SPTAN1: variants seen among roughly 807,000 people sequenced by gnomAD.
SPTAN1 encodes spectrin alpha chain, non-erythrocytic 1.
A neutral mutation model predicts 331.3 loss-of-function variants in SPTAN1; 61 were observed. That is an observed-to-expected ratio of 0.18 (90% CI 0.15 to 0.23). The LOEUF (loss-of-function observed/expected upper bound fraction) is 0.23, where lower values mean the gene tolerates loss of function less well. Ranked by LOEUF, SPTAN1 falls within the 10% of genes least tolerant of loss-of-function variation. SPTAN1 has a pLI of 1.00. For missense variants in SPTAN1, 2,043 were observed against 3,147.9 expected (o/e 0.65, Z 8.40); for synonymous variants, 1,153 against 1,173.9 (o/e 0.98, Z 0.36).
rs759975874 is a variant in SPTAN1, at chr9:128,633,314, C to T, written c.7414C>T (p.Arg2472Cys). 1.9e-5 allele frequency: 31 copies of T among 1,613,950 alleles called. 1 individual carries two copies. The highest frequency in any genetic ancestry group is 1.6e-4 in the Middle Eastern group (1 of 6,062). The change falls in exon 57 of 57, where the codon CGC becomes TGC. Residue 2472 changes from arginine to cysteine, a missense_variant. Around this residue, in one of 12 missense-constraint regions of SPTAN1, gnomAD observed 88 missense variants for 96.5 expected, o/e 0.91. Transcript: ENST00000372739. ...CGCGTTCGACTACGTGGAGTTCACC[C>T]GCTCGCTTTTCGTGAACTGAGCCAC... ...PTAFDYVEFT[R>C]SLFVN
At chr9:128,583,362 T>C (rs1045472231) in intron 15 of SPTAN1, 81 bp downstream of exon 15, 5 of 1,389,418 alleles carry the variant, frequency 3.6e-6, no homozygotes, top group East Asian at 4.8e-5. Context: ...TAGGGACATA[T>C]ACCCCCCAAG....
rs1003660461 is a variant in SPTAN1, at chr9:128,583,962, C to T, written c.2186C>T (p.Ala729Val). The change falls in exon 16 of 57, where the codon GCT (alanine) becomes GTT (valine). Residue 729 changes from alanine to valine, a missense_variant. Ala to Val is a moderately conservative substitution (Grantham distance 64). Around this residue, in one of 12 missense-constraint regions of SPTAN1, gnomAD observed 1,038 missense variants for 1,531.5 expected, o/e 0.68. Coordinates refer to ENST00000372739, the MANE Select transcript of SPTAN1 (RefSeq NM_001130438.3). ...KHALLEADVA[A>V]HQDRIDGITI... ...GCACTGCTAGAGGCAGATGTGGCTG[C>T]TCACCAGGTAGTGTGAACTGGGGGC... The T allele has an allele frequency of 6.2e-7, 1 of 1,614,036 alleles. No homozygotes were observed. The highest frequency in any genetic ancestry group is 8.5e-7 in the Non-Finnish European group (1 of 1,180,026).
intron 21 of SPTAN1, 111 bp from the exon 22 acceptor site, chr9:128,591,366 G>T (rs556696621): frequency 3.4e-5 from 50 of 1,461,356 alleles, no homozygotes; most frequent in Non-Finnish European, 4.5e-5. Context: ...GTGGCCGGCC[G>T]TTTTGGACCT....
intron 23 of SPTAN1, chr9:128,593,545 G>A (rs1853818994): frequency 9.9e-6 from 2 of 202,250 alleles, no homozygotes; most frequent in Admixed American, 5.3e-5. Flanking sequence ...TTTAGTTCCC[G>A]AGGGTTAGAA....
chr9:128,570,906 C>T (rs1850642315), intron 3 of SPTAN1, among the ~76,000 whole-genome samples: 1 of 152,270 alleles, frequency 6.6e-6, no homozygotes, highest in South Asian at 2.1e-4. Flanking sequence ...GGTGATCTGC[C>T]CGCCTTGGCC....
intron 52 of SPTAN1, among the ~76,000 whole-genome samples, chr9:128,630,896 G>C (rs944395357): frequency 1.3e-5 from 2 of 152,054 alleles, no homozygotes; most frequent in Admixed American, 6.6e-5. Context: ...GTAGAGACAG[G>C]GTTTCACCAT....
intron 52 of SPTAN1, chr9:128,630,699 TG>T: frequency 3.1e-6 from 1 of 317,674 alleles, no homozygotes; most frequent in Non-Finnish European, 6.1e-6. Context: ...GGCTAATTTT[TG>T]TTTATTTTTA....
In SPTAN1 at chr9:128,607,832, C is replaced by G; in HGVS notation, c.4147-20C>G. ...GGGCATCTGCTGCCAGTTACCTAAT[C>G]CCTTCCCTCCTTTTGGCAGGAACAC... On this transcript the variant is annotated intron_variant, in intron 32 of 56. Transcript: ENST00000372739. 2 of 1,613,746 alleles carry G rather than the reference C, an allele frequency of 1.2e-6. No homozygotes were observed. The highest frequency in any genetic ancestry group is 1.7e-6 in the Non-Finnish European group (2 of 1,180,008).
In SPTAN1 at chr9:128,617,573, C is replaced by G. The variant is rs1280423277; in HGVS notation, c.5358-67C>G. On this transcript the variant is annotated intron_variant, in intron 41 of 56. Transcript: ENST00000372739. ...GATGTCTGTGAGGTCCACAGTTGACCTGATGTCCCCACTTGAAAGCAGGGA... is the reference window on the plus strand; with the variant it reads ...GATGTCTGTGAGGTCCACAGTTGACGTGATGTCCCCACTTGAAAGCAGGGA... The G allele has an allele frequency of 2.5e-6, 4 of 1,610,776 alleles. No homozygotes were observed. In the African/African-American group the frequency reaches 5.3e-5, roughly 22 times the overall value.
At position 128,615,693 on chromosome 9, in the gene SPTAN1, C is replaced by T. The variant is rs781578848; in HGVS notation, c.5210C>T (p.Thr1737Ile). The change falls in exon 41 of 57, where the codon ACC becomes ATC. Residue 1737 changes from threonine (T) to isoleucine (I), a missense_variant. Physicochemically the swap from Thr to Ile is moderately conservative, Grantham distance 89. Transcript: ENST00000372739. Reference protein sequence around the residue: ...DSLMTSSAFDTSQVKDKRDTI... With the variant: ...DSLMTSSAFDISQVKDKRDTI... ...CTGATGACCAGCAGTGCCTTCGACA[C>T]CTCCCAAGTAAAGGACAAGAGGGAC... The T allele has an allele frequency of 1.2e-6, 2 of 1,614,058 alleles. No individual in the cohort carries two copies. The highest frequency in any genetic ancestry group is 2.7e-5 in the African/African-American group (2 of 74,916).
At chr9:128,573,378 T>C (rs983894086) in intron 3 of SPTAN1, among the ~76,000 whole-genome samples, 1 of 152,244 alleles carries the variant, frequency 6.6e-6, no homozygotes, top group Non-Finnish European at 1.5e-5. Flanking sequence ...ACAAACTGTC[T>C]TTTCACAGAA....
At chr9:128,624,086 C>CAAAAAA (rs11444346) in intron 45 of SPTAN1, among the ~76,000 whole-genome samples, 2 of 66,806 alleles carry the variant, frequency 3.0e-5, no homozygotes, top group African/African-American at 8.9e-5. Context: ...CACTCCGTCT[C>CAAAAAA]AAAAAAAAAA....
At chr9:128,612,001 C>T in intron 38 of SPTAN1, 108 bp from the exon 39 acceptor site, 1 of 1,604,140 alleles carries the variant, frequency 6.2e-7, no homozygotes, top group Non-Finnish European at 8.5e-7. Flanking sequence ...AGAATGGCTC[C>T]TATGAGTGTT....
chr9:128,557,624 A>G lies in SPTAN1; in HGVS notation c.-4+4928A>G, dbSNP rs192870506. On this transcript the variant is annotated intron_variant, in intron 1 of 56. Coordinates refer to ENST00000372739, the MANE Select transcript of SPTAN1 (RefSeq NM_001130438.3). ...TTATTTGGGGAATGAAAATTCCCCA[A>G]ATACCAAGAACTGCCTCAAACAGCT... Among the ~76,000 whole-genome samples, 338 of 151,598 alleles carry G rather than the reference A, an allele frequency of 2.2e-3. 4 individuals carry two copies. Among genetic ancestry groups the G allele is most frequent in the Middle Eastern group, 0.01 (3 of 294 alleles).
Position 128,633,483 on chromosome 9 carries a change from G to A in SPTAN1, c.*149G>A, listed in dbSNP as rs188688870. 3.5e-4 allele frequency: 473 copies of A among 1,346,204 alleles called. 4 individuals carry two copies. In the African/African-American group the frequency reaches 4.3e-3, roughly 12 times the overall value. 83.4% of individuals were successfully genotyped at this position (1,346,204 alleles called of 1,614,324 possible). A position where few individuals can be genotyped will look rare whatever the true frequency, so the allele number is the denominator to read the frequency against. ...GGAGAAAATGGTGCTTCACTAACCC[G>A]CTTCCGGTCCAGTCACAATCATCAT... On this transcript the variant is annotated 3_prime_UTR_variant, in exon 57 of 57. Coordinates refer to ENST00000372739, the MANE Select transcript of SPTAN1 (RefSeq NM_001130438.3).
intron 21 of SPTAN1, 83 bp downstream of exon 21, chr9:128,589,026 C>G (rs1366046782): frequency 6.4e-7 from 1 of 1,567,116 alleles, no homozygotes; most frequent in African/African-American, 1.4e-5. Flanking sequence ...GGTTGCATGT[C>G]TCCCTGAAAT....
chr9:128,571,049 A>G (rs1268816726), intron 3 of SPTAN1, among the ~76,000 whole-genome samples: 2 of 152,330 alleles, frequency 1.3e-5, no homozygotes, highest in East Asian at 1.9e-4. Flanking sequence ...TGGGAGGCCA[A>G]GGCTGAGGCA....
intron 45 of SPTAN1, chr9:128,621,773 A>T (rs1287405623): frequency 5.8e-6 from 1 of 172,534 alleles, no homozygotes; most frequent in African/African-American, 2.4e-5. Context: ...CATTTTAGAA[A>T]TGAATCTACT....
In SPTAN1 at chr9:128,557,835, G is replaced by A. The variant is rs546750051; in HGVS notation, c.-4+5139G>A. Reference sequence around the variant, plus strand: ...TTTTTTTTTTTTGAGACGGAGTCTCGCTCTGTCGCCCAGGCTGGAGTGCAG... The same window carrying A: ...TTTTTTTTTTTTGAGACGGAGTCTCACTCTGTCGCCCAGGCTGGAGTGCAG... On this transcript the variant is annotated intron_variant, in intron 1 of 56. Coordinates refer to ENST00000372739, the MANE Select transcript of SPTAN1 (RefSeq NM_001130438.3). Among the ~76,000 whole-genome samples, 15 of 119,416 alleles carry A rather than the reference G, an allele frequency of 1.3e-4. No individual in the cohort carries two copies. In the South Asian group the frequency reaches 3.5e-3, roughly 28 times the overall value. The allele number at this position is 119,416 out of a possible 152,430, so 78.3% of individuals were successfully genotyped here.
Sources: gnomAD v4.1 joint callset for allele counts (sites outside exome capture counted in the v4.1 genomes callset) on GRCh38, gnomAD v4.1.1 for gene constraint, gnomAD v4.1.1 regional missense constraint, MANE v1.5 for transcripts, NCBI Gene and HGNC (gene_info 2026-07-23, HGNC 2026-07-21) for gene names.